Variants in WDR64 observed in about 807,000 individuals in gnomAD.
The protein encoded by WDR64 is WD repeat domain 64, also known as WD repeat-containing protein 64.
In WDR64, 112 loss-of-function variants were observed where a neutral mutation model predicts 139.3. The ratio of observed to expected loss-of-function variants is 0.80; its 90% confidence interval spans 0.69 to 0.94. WDR64 has a LOEUF of 0.94. Ranked by LOEUF, WDR64 falls within the 40% of genes least tolerant of loss-of-function variation. The pLI is 0.00. For missense variants in WDR64, 1,206 were observed against 1,293.1 expected, an observed-to-expected ratio of 0.93 and a Z score of 1.03; for synonymous variants, 444 against 437.7, an observed-to-expected ratio of 1.01 and a Z score of -0.18.
chr1:241,670,945 T>A (rs1666202779), intron 2 of WDR64, 129 bp from the exon 3 acceptor site: 1 of 623,388 alleles, frequency 1.6e-6, no homozygotes, highest in Non-Finnish European at 2.7e-6. Flanking sequence ...GGGAACCCCC[T>A]GACATTCACA....
chr1:241,785,377 TA>T, intron 23 of WDR64, among the ~76,000 whole-genome samples: 1 of 152,296 alleles, frequency 6.6e-6, no homozygotes, highest in East Asian at 1.9e-4. Flanking sequence ...GCTGTGTCCT[TA>T]CATGGTGAAA....
intron 14 of WDR64, among the ~76,000 whole-genome samples, chr1:241,751,872 G>T (rs78816743): frequency 6.6e-6 from 1 of 152,082 alleles, no homozygotes; most frequent in East Asian, 1.9e-4. Flanking sequence ...AGTTTTAAGG[G>T]GATAGAATTG....
intron 11 of WDR64, among the ~76,000 whole-genome samples, chr1:241,740,200 C>T (rs1669482458): frequency 6.6e-6 from 1 of 152,188 alleles, no homozygotes; most frequent in Non-Finnish European, 1.5e-5. Context: ...TCTTTCTCAG[C>T]ACTGCATCAT....
chr1:241,787,262 G>C (rs1238916978), intron 23 of WDR64, among the ~76,000 whole-genome samples: 1 of 151,272 alleles, frequency 6.6e-6, no homozygotes, highest in Non-Finnish European at 1.5e-5. Flanking sequence ...TACTCGGGAG[G>C]CTGAGGCAGG....
chr1:241,722,584 C>T (rs186270838), intron 9 of WDR64, among the ~76,000 whole-genome samples: 9 of 151,842 alleles, frequency 5.9e-5, no homozygotes, highest in East Asian at 5.8e-4. Context: ...GATAATTATG[C>T]GGGCATGAGC....
At chr1:241,783,461 T>C (rs920923262) in intron 23 of WDR64, 80 bp downstream of exon 23, 32 of 1,062,406 alleles carry the variant, frequency 3.0e-5, no homozygotes, top group African/African-American at 4.8e-5. Flanking sequence ...AGTTGAAGTA[T>C]ATAGTTCAAA....
At chr1:241,669,333 A>T (rs1051244176) in intron 2 of WDR64, among the ~76,000 whole-genome samples, 1 of 152,240 alleles carries the variant, frequency 6.6e-6, no homozygotes, top group African/African-American at 2.4e-5. Flanking sequence ...GCTGAGGTAC[A>T]GATTGATACA....
chr1:241,754,296 G>GT (rs1056153857), intron 14 of WDR64, among the ~76,000 whole-genome samples: 21 of 146,310 alleles, frequency 1.4e-4, no homozygotes, highest in Non-Finnish European at 2.8e-4. Flanking sequence ...AACGTGCAGG[G>GT]TTTTTTTTCC....
chr1:241,716,156 T>C (rs900590849), intron 9 of WDR64, among the ~76,000 whole-genome samples: 2 of 152,114 alleles, frequency 1.3e-5, no homozygotes, highest in Admixed American at 1.3e-4. Context: ...CCAAGCACCA[T>C]TGCTAAATGT....
At chr1:241,740,495 T>C (rs1031457525) in intron 11 of WDR64, among the ~76,000 whole-genome samples, 3 of 152,214 alleles carry the variant, frequency 2.0e-5, no homozygotes, top group Non-Finnish European at 2.9e-5. Context: ...CAGAGAGTGT[T>C]TAGTAACTCC....
chr1:241,739,050 T>G (rs1307358727), intron 11 of WDR64, among the ~76,000 whole-genome samples: 1 of 152,124 alleles, frequency 6.6e-6, no homozygotes, highest in African/African-American at 2.4e-5. Context: ...TGATAACGAG[T>G]CACTACTCAG....
intron 12 of WDR64, among the ~76,000 whole-genome samples, chr1:241,743,370 C>T (rs919472280): frequency 2.6e-5 from 4 of 152,196 alleles, no homozygotes; most frequent in East Asian, 1.9e-4. Context: ...ATCAGGGACA[C>T]GCAGAGGTTA....
chr1:241,760,759 A>ATTTT (rs71174847), intron 15 of WDR64, among the ~76,000 whole-genome samples: 57 of 87,046 alleles, frequency 6.5e-4, no homozygotes, highest in Middle Eastern at 0.011. Context: ...GTGGGTTTCC[A>ATTTT]TTTTTTTTTT....
In WDR64 at chr1:241,749,640, G is replaced by A. The variant is rs1669904944; in HGVS notation, c.1688G>A (p.Arg563His). The A allele has an allele frequency of 6.2e-7, 1 of 1,613,968 alleles. No individual in the cohort carries two copies. Residue 563 changes from arginine to histidine, a missense_variant, in exon 14 of 28, where the codon CGC becomes CAC. By Grantham distance (29) the Arg-to-His change is conservative. Coordinates refer to ENST00000437684, the MANE Select transcript of WDR64 (RefSeq NM_001367482.1). ...AAGGAGGACGAGCACTGCCTACGAC[G>A]CCTCATTTTCCTCAAAGCCCAAGAA... ...DWKEDEHCLRRLIFLKAQEKH... is the reference protein window; with the variant it reads ...DWKEDEHCLRHLIFLKAQEKH...
chr1:241,685,943 A>G (rs1310908231), intron 7 of WDR64, among the ~76,000 whole-genome samples: 2 of 152,198 alleles, frequency 1.3e-5, no homozygotes, highest in Admixed American at 1.3e-4. Flanking sequence ...AGAAAATTCC[A>G]TGGCTCATTT....
intron 27 of WDR64, among the ~76,000 whole-genome samples, chr1:241,800,405 GT>G (rs1331488764): frequency 5.3e-5 from 8 of 152,010 alleles, no homozygotes; most frequent in Non-Finnish European, 8.8e-5. Context: ...GTGAATATTG[GT>G]TGAACATAAC....
intron 4 of WDR64, chr1:241,677,189 A>G: frequency 5.0e-6 from 2 of 396,210 alleles, no homozygotes; most frequent in Non-Finnish European, 8.9e-6. Flanking sequence ...ATATATCTGT[A>G]AGGATTATGA....
At chr1:241,764,276 A>G (rs1467712817) in intron 15 of WDR64, among the ~76,000 whole-genome samples, 1 of 152,162 alleles carries the variant, frequency 6.6e-6, no homozygotes, top group Non-Finnish European at 1.5e-5. Flanking sequence ...CTCATCTTTG[A>G]TGCTGCCTGG....
chr1:241,655,607 C>T (rs573233401), intron 1 of WDR64, among the ~76,000 whole-genome samples: 1 of 152,280 alleles, frequency 6.6e-6, no homozygotes, highest in Non-Finnish European at 1.5e-5. Flanking sequence ...CATGCACCTT[C>T]TGCCCTAAAA....
Sources: allele counts gnomAD v4.1 joint callset (sites outside exome capture counted in the v4.1 genomes callset), GRCh38; gene constraint gnomAD v4.1.1; transcripts MANE v1.5; gene names NCBI Gene and HGNC (gene_info 2026-07-23, HGNC 2026-07-21).